Variants in TMEM178B observed in about 807,000 individuals in gnomAD.
TMEM178B encodes transmembrane protein 178B.
Under a neutral mutation model 31.0 loss-of-function variants are expected in TMEM178B, and 5 were observed. The observed-to-expected ratio is 0.16, with a 90% CI of 0.08 to 0.34. The LOEUF (loss-of-function observed/expected upper bound fraction) is 0.34, where lower values mean the gene tolerates loss of function less well. Ranked by LOEUF, TMEM178B falls within the 10% of genes least tolerant of loss-of-function variation. The pLI is 1.00. For synonymous variants in TMEM178B, 164 were observed against 164.0 expected (o/e 1.00, Z 0.00); for missense variants, 275 against 400.3 (o/e 0.69, Z 2.67).
chr7:141,420,704 C>T (rs949199423), intron 2 of TMEM178B, among the ~76,000 whole-genome samples: 26 of 152,268 alleles, frequency 1.7e-4, no homozygotes, highest in Admixed American at 6.5e-4. Flanking sequence ...GGCACAGTGA[C>T]TCCCAGGTTT....
intron 1 of TMEM178B, among the ~76,000 whole-genome samples, chr7:141,082,266 A>G (rs1749892331): frequency 6.6e-6 from 1 of 152,196 alleles, no homozygotes; most frequent in Non-Finnish European, 1.5e-5. Context: ...TAAAACTAAT[A>G]TAGACTGGAG....
Position 141,131,352 on chromosome 7 carries a change from A to G in TMEM178B, c.382+56660A>G, listed in dbSNP as rs147681536. 2.5e-3 allele frequency among the ~76,000 whole-genome samples: 380 copies of G among 152,306 alleles called. 3 individuals carry two copies. Among genetic ancestry groups the G allele is most frequent in the African/African-American group, 8.7e-3 (361 of 41,558 alleles). On this transcript the variant is annotated intron_variant, in intron 1 of 3. Coordinates refer to ENST00000565468, the MANE Select transcript of TMEM178B (RefSeq NM_001195278.2). ...TTTTAAATTGAGAGTTCATTAACAT[A>G]CAATAAAATGTCCAGATCTGAAGTG...
At chr7:141,078,696 G>A (rs562871184) in intron 1 of TMEM178B, among the ~76,000 whole-genome samples, 11 of 152,304 alleles carry the variant, frequency 7.2e-5, no homozygotes, top group African/African-American at 2.6e-4. Flanking sequence ...GAGGAGGTTA[G>A]GGAAAGTTGT....
At chr7:141,140,182 T>C (rs750130408) in intron 1 of TMEM178B, among the ~76,000 whole-genome samples, 5 of 152,244 alleles carry the variant, frequency 3.3e-5, no homozygotes, top group Non-Finnish European at 7.3e-5. Flanking sequence ...ACTTCAGGCA[T>C]CTGGACATTC....
the TMEM178B span, among the ~76,000 whole-genome samples, chr7:141,497,716 GTC>G: frequency 6.6e-6 from 1 of 152,274 alleles, no homozygotes; most frequent in East Asian, 1.9e-4. Context: ...TGGCTTCCCT[GTC>G]TCTAAATTTA....
intron 2 of TMEM178B, among the ~76,000 whole-genome samples, chr7:141,306,345 G>T (rs1798815578): frequency 6.6e-6 from 1 of 152,164 alleles, no homozygotes; most frequent in Non-Finnish European, 1.5e-5. Context: ...TTTGCTGAAG[G>T]GGAAGGAGAG....
At chr7:141,379,371 G>A (rs1271958203) in intron 2 of TMEM178B, among the ~76,000 whole-genome samples, 5 of 152,032 alleles carry the variant, frequency 3.3e-5, no homozygotes, top group Non-Finnish European at 7.4e-5. Context: ...TGTAGTCTCA[G>A]CTACTCGGAA....
intron 1 of TMEM178B, among the ~76,000 whole-genome samples, chr7:141,189,077 T>C (rs1335144777): frequency 6.6e-6 from 1 of 152,206 alleles, no homozygotes; most frequent in Non-Finnish European, 1.5e-5. Flanking sequence ...AATGAAGCCA[T>C]GTTTCATCTT....
intron 1 of TMEM178B, among the ~76,000 whole-genome samples, chr7:141,108,925 T>C (rs1235683215): frequency 6.6e-6 from 1 of 152,142 alleles, no homozygotes; most frequent in Non-Finnish European, 1.5e-5. Context: ...TAGGGAGGCC[T>C]CACAATCATG....
intron 2 of TMEM178B, among the ~76,000 whole-genome samples, chr7:141,341,341 C>T (rs937372175): frequency 1.1e-4 from 16 of 152,102 alleles, no homozygotes; most frequent in Admixed American, 6.6e-4. Flanking sequence ...TTTACTGAGC[C>T]GGGAAGGTGT....
At chr7:141,138,922 T>G (rs527347793) in intron 1 of TMEM178B, among the ~76,000 whole-genome samples, 20 of 151,766 alleles carry the variant, frequency 1.3e-4, no homozygotes, top group African/African-American at 4.8e-4. Flanking sequence ...AGGCAGAGCT[T>G]GCAGTGAGCT....
intron 1 of TMEM178B, among the ~76,000 whole-genome samples, chr7:141,082,511 G>T (rs958955345): frequency 6.6e-6 from 1 of 152,228 alleles, no homozygotes; most frequent in South Asian, 2.1e-4. Flanking sequence ...TTGCGTATAC[G>T]CCATGTGTAT....
At chr7:141,214,215 T>C (rs973279440) in intron 2 of TMEM178B, among the ~76,000 whole-genome samples, 9 of 152,254 alleles carry the variant, frequency 5.9e-5, no homozygotes, top group Non-Finnish European at 1.3e-4. Flanking sequence ...TGATAAGTCC[T>C]GTGGATTAAC....
chr7:141,271,737 G>A (rs1798189075), intron 2 of TMEM178B, among the ~76,000 whole-genome samples: 1 of 152,172 alleles, frequency 6.6e-6, no homozygotes, highest in Admixed American at 6.5e-5. Context: ...AACATTGACT[G>A]CGGGCTTTCC....
intron 1 of TMEM178B, among the ~76,000 whole-genome samples, chr7:141,191,926 T>A (rs780791585): frequency 5.9e-5 from 9 of 152,234 alleles, no homozygotes; most frequent in Non-Finnish European, 1.0e-4. Flanking sequence ...AAGGTTTTAA[T>A]CCTGTTTTCT....
intron 1 of TMEM178B, among the ~76,000 whole-genome samples, chr7:141,101,078 G>T (rs1298753277): frequency 6.6e-6 from 1 of 152,136 alleles, no homozygotes; most frequent in Non-Finnish European, 1.5e-5. Context: ...ATTTCCACAG[G>T]CTCGATTTGA....
intron 2 of TMEM178B, among the ~76,000 whole-genome samples, chr7:141,319,548 A>ACTTT (rs1367574116): frequency 3.3e-5 from 5 of 152,024 alleles, no homozygotes; most frequent in African/African-American, 9.6e-5. Flanking sequence ...TGTATTCTTT[A>ACTTT]CTTTCTTTCT....
chr7:141,372,673 A>G (rs1218662350), intron 2 of TMEM178B, among the ~76,000 whole-genome samples: 2 of 152,202 alleles, frequency 1.3e-5, no homozygotes, highest in African/African-American at 4.8e-5. Flanking sequence ...CTATGTTCCC[A>G]TATAGAATGT....
chr7:141,489,917 A>G, the TMEM178B span, among the ~76,000 whole-genome samples: 1 of 152,232 alleles, frequency 6.6e-6, no homozygotes, highest in Non-Finnish European at 1.5e-5. Flanking sequence ...CTGAATCCCA[A>G]CGAAGGTGAA....
Sources: gnomAD v4.1 joint callset for allele counts (sites outside exome capture counted in the v4.1 genomes callset) on GRCh38, gnomAD v4.1.1 for gene constraint, MANE v1.5 for transcripts, NCBI Gene and HGNC (gene_info 2026-07-23, HGNC 2026-07-21) for gene names.